The following FAF2 variants were observed in gnomAD, a reference collection of about 807,000 sequenced individuals.
FAF2 encodes Fas associated factor family member 2, also known as FAS-associated factor 2.
FAF2 carries 9 observed loss-of-function variants against 62.3 expected under a neutral mutation model. The observed-to-expected ratio is 0.14, with a 90% CI of 0.09 to 0.25. The LOEUF (loss-of-function observed/expected upper bound fraction) is 0.25. Ranked by LOEUF, FAF2 falls within the 10% of genes least tolerant of loss-of-function variation. The pLI is 1.00. For synonymous variants in FAF2, 202 were observed against 198.0 expected (o/e 1.02, Z -0.17); for missense variants, 368 against 556.2 (o/e 0.66, Z 3.40).
intron 2 of FAF2, among the ~76,000 whole-genome samples, chr5:176,484,366 C>T (rs910752097): frequency 7.2e-5 from 11 of 152,164 alleles, no homozygotes; most frequent in African/African-American, 2.7e-4. Context: ...CACTCTGTCC[C>T]ATTCTACCTT....
chr5:176,479,404 G>C (rs1000830035), intron 2 of FAF2, 148 bp downstream of exon 2: 1 of 657,772 alleles, frequency 1.5e-6, no homozygotes, highest in Non-Finnish European at 2.6e-6. Flanking sequence ...GGTAAAGAAT[G>C]TGAGAAAGTT....
intron 10 of FAF2, among the ~76,000 whole-genome samples, chr5:176,506,185 ACT>A (rs1755680421): frequency 7.2e-6 from 1 of 138,470 alleles, no homozygotes; most frequent in Non-Finnish European, 1.5e-5. Context: ...ACAGAGCGAG[ACT>A]CTCTCAAAAA....
chr5:176,460,513 CGT>C (rs747582699), intron 1 of FAF2, among the ~76,000 whole-genome samples: 10,275 of 132,524 alleles, frequency 0.078, 392 homozygotes, highest in Middle Eastern at 0.13. Context: ...TTTTTGGCCG[CGT>C]GTGTGTGTGT....
chr5:176,481,649 T>C (rs1314384142), intron 2 of FAF2, among the ~76,000 whole-genome samples: 1 of 151,076 alleles, frequency 6.6e-6, no homozygotes, highest in Non-Finnish European at 1.5e-5. Flanking sequence ...AGAGTGAGAC[T>C]CTGTCTCAAA....
chr5:176,482,087 T>TA (rs1758790528), intron 2 of FAF2, among the ~76,000 whole-genome samples: 1 of 152,206 alleles, frequency 6.6e-6, no homozygotes. Context: ...TGCATTTCCC[T>TA]AGTGGCTAAA....
intron 1 of FAF2, among the ~76,000 whole-genome samples, chr5:176,468,697 C>G (rs975862704): frequency 6.6e-6 from 1 of 151,938 alleles, no homozygotes. Flanking sequence ...CTTTGGGAGG[C>G]TGAAGTGGGA....
At chr5:176,479,129 TACTC>T (rs1197567104) in intron 1 of FAF2, 55 bp from the exon 2 acceptor site, 5 of 1,365,496 alleles carry the variant, frequency 3.7e-6, no homozygotes, top group South Asian at 3.5e-5. Flanking sequence ...GGCGTAAAAA[TACTC>T]ACACGTATAC....
Position 176,507,125 on chromosome 5 carries a change from T to C in FAF2, c.*175T>C. On this transcript the variant is annotated 3_prime_UTR_variant, in exon 11 of 11. Transcript: ENST00000261942. ...CATCCTTAGGAAGGATCAGAAACCATGCTGCCCGTAAGAGTCACAACCTGT... is the reference window on the plus strand; with the variant it reads ...CATCCTTAGGAAGGATCAGAAACCACGCTGCCCGTAAGAGTCACAACCTGT... 1 of 330,318 alleles carries C rather than the reference T, an allele frequency of 3.0e-6. No individual in the cohort carries two copies. Among genetic ancestry groups the C allele is most frequent in the Non-Finnish European group, 4.9e-6 (1 of 204,908 alleles). The allele number at this position is 330,318 out of a possible 1,614,324, so 20.5% of individuals were successfully genotyped here.
At chr5:176,477,528 T>C (rs998325291) in intron 1 of FAF2, among the ~76,000 whole-genome samples, 7 of 151,962 alleles carry the variant, frequency 4.6e-5, no homozygotes, top group Admixed American at 6.6e-5. Flanking sequence ...ATGTGAAGAG[T>C]CCTGTAATGG....
chr5:176,465,994 G>A (rs1330420712), intron 1 of FAF2, among the ~76,000 whole-genome samples: 1 of 152,174 alleles, frequency 6.6e-6, no homozygotes, highest in African/African-American at 2.4e-5. Context: ...CCTAGACAAG[G>A]CGTGTAACTT....
At chr5:176,498,619 T>G (rs542710548) in intron 8 of FAF2, among the ~76,000 whole-genome samples, 1 of 152,314 alleles carries the variant, frequency 6.6e-6, no homozygotes, top group East Asian at 1.9e-4. Context: ...TGATGATCCC[T>G]TCATAATAAC....
chr5:176,504,331 C>G (rs1260912613), intron 10 of FAF2, among the ~76,000 whole-genome samples: 1 of 151,498 alleles, frequency 6.6e-6, no homozygotes, highest in African/African-American at 2.4e-5. Context: ...CGCCCATAGT[C>G]CCAGCCTACT....
intron 10 of FAF2, among the ~76,000 whole-genome samples, chr5:176,506,329 C>T (rs1208936509): frequency 6.6e-6 from 1 of 151,908 alleles, no homozygotes; most frequent in Admixed American, 6.6e-5. Context: ...ATTTTGAGAG[C>T]CAAGTTGTGG....
chr5:176,480,281 G>A (rs1296803544), intron 2 of FAF2, among the ~76,000 whole-genome samples: 6 of 150,434 alleles, frequency 4.0e-5, no homozygotes, highest in South Asian at 4.2e-4. Flanking sequence ...TCCTAAAAAC[G>A]TGTTCCCTTT....
intron 1 of FAF2, among the ~76,000 whole-genome samples, chr5:176,451,039 C>G (rs1758157409): frequency 6.6e-6 from 1 of 152,152 alleles, no homozygotes; most frequent in African/African-American, 2.4e-5. Flanking sequence ...AAGCATTATA[C>G]CAAGCAGCAG....
At chr5:176,482,413 A>G (rs561331113) in intron 2 of FAF2, among the ~76,000 whole-genome samples, 1 of 152,134 alleles carries the variant, frequency 6.6e-6, no homozygotes, top group African/African-American at 2.4e-5. Flanking sequence ...AGGTTTCTCC[A>G]TGTTGGCCAG....
intron 1 of FAF2, among the ~76,000 whole-genome samples, chr5:176,477,930 T>C (rs1758731448): frequency 2.0e-5 from 3 of 152,220 alleles, no homozygotes. Flanking sequence ...ACTGGTTGTT[T>C]AGAGGAGTTT....
At chr5:176,476,758 G>A (rs1012256842) in intron 1 of FAF2, among the ~76,000 whole-genome samples, 3 of 145,708 alleles carry the variant, frequency 2.1e-5, no homozygotes, top group African/African-American at 5.1e-5. Flanking sequence ...ACAGCCTCCC[G>A]AGAGTATCTG....
At chr5:176,454,281 T>C (rs1758239017) in intron 1 of FAF2, among the ~76,000 whole-genome samples, 1 of 151,654 alleles carries the variant, frequency 6.6e-6, no homozygotes, top group South Asian at 2.1e-4. Flanking sequence ...TAATCCCAGC[T>C]ACTCGGGAGG....
Sources: gnomAD v4.1 joint callset for allele counts (sites outside exome capture counted in the v4.1 genomes callset) on GRCh38, gnomAD v4.1.1 for gene constraint, MANE v1.5 for transcripts, NCBI Gene and HGNC (gene_info 2026-07-23, HGNC 2026-07-21) for gene names.